Variants in SLC25A21 observed in about 807,000 individuals in gnomAD.
SLC25A21 encodes solute carrier family 25 member 21.
A neutral mutation model predicts 43.8 loss-of-function variants in SLC25A21; 47 were observed. That is an observed-to-expected ratio of 1.07 (90% CI 0.85 to 1.37). The LOEUF (loss-of-function observed/expected upper bound fraction) is 1.37, where lower values mean the gene tolerates loss of function less well. Among genes scored for constraint, SLC25A21 ranks in the 40% most tolerant of loss-of-function variants. SLC25A21 has a pLI of 0.00. For synonymous variants in SLC25A21, 131 were observed against 121.3 expected (o/e 1.08, Z -0.52); for missense variants, 352 against 350.2 (o/e 1.00, Z -0.04).
At chr14:36,741,886 C>T (rs1027158475) in intron 3 of SLC25A21, among the ~76,000 whole-genome samples, 1 of 152,194 alleles carries the variant, frequency 6.6e-6, no homozygotes, top group Non-Finnish European at 1.5e-5. Flanking sequence ...TAACAGAGTA[C>T]AATTACTACA....
intron 3 of SLC25A21, among the ~76,000 whole-genome samples, chr14:36,787,278 A>G (rs1292185764): frequency 1.3e-5 from 2 of 152,198 alleles, no homozygotes; most frequent in Non-Finnish European, 2.9e-5. Flanking sequence ...AAGCCATGAA[A>G]ACTAAGGTGA....
At chr14:37,068,970 C>T (rs888223425) in intron 1 of SLC25A21, among the ~76,000 whole-genome samples, 7 of 152,114 alleles carry the variant, frequency 4.6e-5, no homozygotes, top group African/African-American at 1.2e-4. Flanking sequence ...GTCAGGAGAT[C>T]GAGACCATCC....
At chr14:36,834,072 C>T (rs1203235611) in intron 2 of SLC25A21, among the ~76,000 whole-genome samples, 2 of 152,116 alleles carry the variant, frequency 1.3e-5, no homozygotes, top group African/African-American at 2.4e-5. Flanking sequence ...TTTTAAAACG[C>T]TATAAGTGAA....
At chr14:36,840,138 G>C (rs1212864376) in intron 2 of SLC25A21, among the ~76,000 whole-genome samples, 1 of 152,024 alleles carries the variant, frequency 6.6e-6, no homozygotes, top group East Asian at 1.9e-4. Flanking sequence ...AACTCCCGGA[G>C]AACATTCTTT....
intron 1 of SLC25A21, among the ~76,000 whole-genome samples, chr14:36,893,349 T>C (rs567811762): frequency 6.6e-6 from 1 of 152,328 alleles, no homozygotes; most frequent in South Asian, 2.1e-4. Context: ...AAAGTCTTCT[T>C]TCGAGAAGTG....
At chr14:37,157,944 G>A (rs967847479) in intron 1 of SLC25A21, among the ~76,000 whole-genome samples, 5 of 152,076 alleles carry the variant, frequency 3.3e-5, no homozygotes, top group African/African-American at 1.2e-4. Flanking sequence ...GATCATCAGA[G>A]ACTGTAAATA....
At chr14:36,957,199 T>C (rs1959363704) in intron 1 of SLC25A21, among the ~76,000 whole-genome samples, 2 of 152,200 alleles carry the variant, frequency 1.3e-5, no homozygotes, top group Admixed American at 1.3e-4. Context: ...CCACTTCCCA[T>C]TTCTCTCTCA....
At chr14:36,805,014 C>T (rs1284646811) in intron 3 of SLC25A21, among the ~76,000 whole-genome samples, 1 of 152,156 alleles carries the variant, frequency 6.6e-6, no homozygotes, top group Admixed American at 6.6e-5. Context: ...TGGAATCCCA[C>T]CTTTCCCCTC....
rs560983702 is a variant in SLC25A21, at chr14:36,678,754, G to C, written c.*1904C>G. The C allele has an allele frequency of 1.3e-4, 148 of 1,122,776 alleles. 1 individual carries two copies. In the South Asian group the frequency reaches 5.5e-3, roughly 42 times the overall value. The allele number at this position is 1,122,776 out of a possible 1,614,324, so 69.6% of individuals were successfully genotyped here. A position where few individuals can be genotyped will look rare whatever the true frequency, so the allele number is the denominator to read the frequency against. On this transcript the variant is annotated 3_prime_UTR_variant, in exon 10 of 10. Transcript: ENST00000331299. ...ATTGTGCTATTTATAATTTTTTTCT[G>C]GTTCTTGTATTTTAAAAAATCTAAT...
chr14:37,077,738 C>T (rs567418867), intron 1 of SLC25A21, among the ~76,000 whole-genome samples: 5 of 152,066 alleles, frequency 3.3e-5, no homozygotes, highest in South Asian at 2.1e-4. Flanking sequence ...CGTGCTTTGT[C>T]GAAATTCACA....
intron 2 of SLC25A21, among the ~76,000 whole-genome samples, chr14:36,831,474 C>T (rs1351119910): frequency 6.6e-6 from 1 of 152,054 alleles, no homozygotes; most frequent in African/African-American, 2.4e-5. Context: ...GGCTAAAATG[C>T]TAGTATTTCT....
At chr14:36,977,814 C>T (rs1187943086) in intron 1 of SLC25A21, among the ~76,000 whole-genome samples, 1 of 152,042 alleles carries the variant, frequency 6.6e-6, no homozygotes, top group Admixed American at 6.6e-5. Context: ...TGTGTTCTTA[C>T]TAGGACAAAC....
intron 1 of SLC25A21, among the ~76,000 whole-genome samples, chr14:36,880,110 T>TGCGG (rs1890668827): frequency 6.6e-6 from 1 of 152,174 alleles, no homozygotes; most frequent in Admixed American, 6.5e-5. Flanking sequence ...CTTCTTTTGC[T>TGCGG]GCTCAGCATC....
intron 3 of SLC25A21, among the ~76,000 whole-genome samples, chr14:36,789,658 A>G (rs1417310727): frequency 7.0e-6 from 1 of 142,434 alleles, no homozygotes; most frequent in African/African-American, 2.6e-5. Context: ...CATCCTGCCT[A>G]TATAAAAACT....
rs753190777 is a variant in SLC25A21 at position 36,711,451 on chromosome 14, AT to A, written c.469del (p.Ile157SerfsTer16). 18 of 1,614,022 alleles carry A rather than the reference AT, an allele frequency of 1.1e-5. No homozygotes were observed. The South Asian group carries it at 1.8e-4, about 16-fold the overall frequency. ...QPSTVGYARQ[I>X]IKKEGWGLQG... ...GAGTCCCCAGCCTTCCTTCTTAATG[AT>A]TTGTCTTGCATAACCCACAGTGGAT... is the stretch of plus-strand genomic sequence containing the variant. On this transcript the variant is annotated frameshift_variant, in exon 7 of 10. Coordinates refer to ENST00000331299, the MANE Select transcript of SLC25A21 (RefSeq NM_030631.4). LOFTEE classifies it high-confidence loss of function.
intron 6 of SLC25A21, among the ~76,000 whole-genome samples, chr14:36,716,061 A>G (rs968894325): frequency 3.9e-5 from 6 of 152,176 alleles, no homozygotes; most frequent in African/African-American, 1.4e-4. Context: ...ACTGCACTCC[A>G]GCCTGGGAGA....
chr14:36,968,744 G>A (rs960314517), intron 1 of SLC25A21, among the ~76,000 whole-genome samples: 5 of 152,192 alleles, frequency 3.3e-5, no homozygotes, highest in Non-Finnish European at 7.4e-5. Context: ...AATGGAAAGC[G>A]TTCAGCGATG....
At chr14:37,102,776 A>C (rs908685151) in intron 1 of SLC25A21, among the ~76,000 whole-genome samples, 1 of 152,060 alleles carries the variant, frequency 6.6e-6, no homozygotes, top group Non-Finnish European at 1.5e-5. Flanking sequence ...ACTTGAGGTC[A>C]GGAGTTCAAG....
At chr14:37,020,493 C>T (rs1003887189) in intron 1 of SLC25A21, among the ~76,000 whole-genome samples, 43 of 150,866 alleles carry the variant, frequency 2.9e-4, no homozygotes, top group African/African-American at 9.5e-4. Flanking sequence ...TGATTTGACT[C>T]CAAATTCCAC....
Sources: gnomAD v4.1 joint callset for allele counts (sites outside exome capture counted in the v4.1 genomes callset) on GRCh38, gnomAD v4.1.1 for gene constraint, MANE v1.5 for transcripts, NCBI Gene and HGNC (gene_info 2026-07-23, HGNC 2026-07-21) for gene names.